EFCAB6: variants seen among roughly 807,000 people sequenced by gnomAD.
EFCAB6 encodes EF-hand calcium-binding domain-containing protein 6.
A neutral mutation model predicts 169.8 loss-of-function variants in EFCAB6; 156 were observed. The observed-to-expected ratio is 0.92, with a 90% confidence interval of 0.81 to 1.05. The LOEUF is 1.05. Ranked by LOEUF, EFCAB6 falls within the 50% of genes least tolerant of loss-of-function variation. The pLI is 0.00. For missense variants in EFCAB6, 1,800 were observed against 1,829.1 expected (o/e 0.98, Z 0.29); for synonymous variants, 698 against 676.4 (o/e 1.03, Z -0.50).
intron 4 of EFCAB6, among the ~76,000 whole-genome samples, chr22:43,769,767 T>C (rs930166778): frequency 1.3e-5 from 2 of 151,956 alleles, no homozygotes; most frequent in Non-Finnish European, 2.9e-5. Flanking sequence ...ATCATCATAG[T>C]GGGGTGTCAG....
chr22:43,632,591 C>T (rs1279258886), intron 18 of EFCAB6, among the ~76,000 whole-genome samples: 2 of 152,232 alleles, frequency 1.3e-5, no homozygotes, highest in African/African-American at 4.8e-5. Context: ...TGAGCCACCA[C>T]ACCCGGCCCA....
At chr22:43,576,217 T>A in intron 26 of EFCAB6, 80 bp downstream of exon 26, 5 of 1,261,092 alleles carry the variant, frequency 4.0e-6, no homozygotes, top group Non-Finnish European at 5.4e-6. Flanking sequence ...TCTGATATGG[T>A]TCTAATCAAT....
chr22:43,731,897 C>T, intron 7 of EFCAB6, 86 bp from the exon 8 acceptor site: 1 of 678,154 alleles, frequency 1.5e-6, no homozygotes, highest in Non-Finnish European at 2.2e-6. Flanking sequence ...TACACTCGGG[C>T]TGGCATTAAT....
In EFCAB6 at chr22:43,687,545, C is replaced by T. The variant is rs751100252; in HGVS notation, c.1068G>A (p.Lys356=). The change falls in exon 11 of 32, where the codon AAG becomes AAA. Residue 356 remains lysine (K), a synonymous_variant. Transcript: ENST00000262726. ...GLKATTKINW[K]QFLTSFHEPQ... is the part of the protein sequence containing the mutation. ...GCTCATGAAATGATGTTAGAAATTG[C>T]TTCCAATTGATTTTAGTGGTGGCTT... is the stretch of plus-strand genomic sequence containing the variant. 1.9e-6 allele frequency: 3 copies of T among 1,601,314 alleles called. No individual in the cohort carries two copies. The highest frequency in any genetic ancestry group is 2.3e-5 in the South Asian group (2 of 88,104).
chr22:43,769,723 CA>C (rs2061411900), intron 4 of EFCAB6, among the ~76,000 whole-genome samples: 1 of 152,014 alleles, frequency 6.6e-6, no homozygotes, highest in African/African-American at 2.4e-5. Flanking sequence ...GAGGAGCCAT[CA>C]AAGCCCAGAG....
chr22:43,688,108 T>C (rs2147153766), intron 10 of EFCAB6, among the ~76,000 whole-genome samples: 1 of 152,236 alleles, frequency 6.6e-6, no homozygotes, highest in South Asian at 2.1e-4. Context: ...GCTGCAGCCA[T>C]CAAAAGACAT....
At chr22:43,542,713 G>A (rs372161902) in intron 27 of EFCAB6, among the ~76,000 whole-genome samples, 7 of 151,940 alleles carry the variant, frequency 4.6e-5, no homozygotes, top group African/African-American at 7.2e-5. Flanking sequence ...CCCCCAGCCC[G>A]CATGTGGCCT....
In EFCAB6 at chr22:43,530,473, G is replaced by A. The variant is rs564561016; in HGVS notation, c.4383+342C>T. On this transcript the variant is annotated intron_variant, in intron 31 of 31. Coordinates refer to ENST00000262726, the MANE Select transcript of EFCAB6 (RefSeq NM_022785.4). Reference sequence around the variant, plus strand: ...TCAGAGATGCTCTTCAGAGCCTGCAGGAGAGCCCAGGTGTGGGGAGAGGGC... The same window carrying A: ...TCAGAGATGCTCTTCAGAGCCTGCAAGAGAGCCCAGGTGTGGGGAGAGGGC... 2.6e-5 allele frequency: 25 copies of A among 969,932 alleles called. No individual in the cohort carries two copies. In the African/African-American group the frequency reaches 3.7e-4, roughly 14 times the overall value. 60.1% of individuals were successfully genotyped at this position (969,932 alleles called of 1,614,324 possible). A position where few individuals can be genotyped will look rare whatever the true frequency, so the allele number is the denominator to read the frequency against.
At chr22:43,550,311 G>A (rs1015587917) in intron 27 of EFCAB6, among the ~76,000 whole-genome samples, 5 of 152,160 alleles carry the variant, frequency 3.3e-5, no homozygotes, top group Non-Finnish European at 5.9e-5. Flanking sequence ...CCTGCCTGAA[G>A]GGTTTTGTTT....
intron 8 of EFCAB6, among the ~76,000 whole-genome samples, chr22:43,717,793 A>G (rs1385496524): frequency 6.6e-6 from 1 of 152,160 alleles, no homozygotes; most frequent in Admixed American, 6.5e-5. Flanking sequence ...ATTCACATGG[A>G]TAAGGATATT....
At chr22:43,690,705 C>T (rs1024037171) in intron 10 of EFCAB6, among the ~76,000 whole-genome samples, 2 of 151,812 alleles carry the variant, frequency 1.3e-5, no homozygotes, top group African/African-American at 2.4e-5. Context: ...GCTCCAGCCA[C>T]ATTGGTCTCT....
At chr22:43,722,022 A>C (rs958836454) in intron 8 of EFCAB6, among the ~76,000 whole-genome samples, 1 of 152,172 alleles carries the variant, frequency 6.6e-6, no homozygotes, top group African/African-American at 2.4e-5. Context: ...AAAATCTGTA[A>C]GGAATTTAAA....
At chr22:43,759,901 CT>C (rs1364289451) in intron 5 of EFCAB6, 1 of 152,152 alleles carries the variant, frequency 6.6e-6, no homozygotes, top group Non-Finnish European at 1.5e-5. Flanking sequence ...TAAGTTTTGG[CT>C]GGTATAAAAT....
intron 21 of EFCAB6, among the ~76,000 whole-genome samples, chr22:43,613,247 T>C (rs2053452322): frequency 1.3e-5 from 2 of 149,720 alleles, no homozygotes; most frequent in South Asian, 4.2e-4. Flanking sequence ...ATATCATATA[T>C]TTATACAGCA....
intron 4 of EFCAB6, among the ~76,000 whole-genome samples, chr22:43,772,641 C>CAAA (rs11285899): frequency 1.7e-5 from 2 of 120,152 alleles, no homozygotes; most frequent in African/African-American, 6.3e-5. Context: ...AATTCTGTCT[C>CAAA]AAAAAAAAAA....
At chr22:43,736,917 G>A (rs569377488) in intron 6 of EFCAB6, among the ~76,000 whole-genome samples, 2 of 152,012 alleles carry the variant, frequency 1.3e-5, no homozygotes, top group East Asian at 1.9e-4. Context: ...ACTCCCTTGG[G>A]CGCCCAAAGC....
chr22:43,615,910 C>T lies in EFCAB6; in HGVS notation c.2478G>A (p.Lys826=), dbSNP rs2053653120. The change falls in exon 21 of 32, where the codon AAG becomes AAA. Residue 826 remains lysine (K), a synonymous_variant. Transcript: ENST00000262726. ...APQRLIRPKQ[K]VADSELACEQ... is the part of the protein sequence containing the mutation. The stretch of plus-strand genomic sequence containing the variant: ...CACAAGCTAGTTCTGAATCCGCAAC[C>T]TTCTGTTTTGGTCTTAAAAGAAAAA... 6.2e-7 allele frequency: 1 copy of T among 1,613,000 alleles called. No homozygotes were observed. Among genetic ancestry groups the T allele is most frequent in the Middle Eastern group, 1.7e-4 (1 of 5,938 alleles).
intron 4 of EFCAB6, among the ~76,000 whole-genome samples, chr22:43,770,035 T>G (rs1164662799): frequency 6.6e-6 from 1 of 152,086 alleles, no homozygotes; most frequent in Non-Finnish European, 1.5e-5. Flanking sequence ...TTTTGTATTT[T>G]TAGTAGAGAC....
chr22:43,620,695 C>G (rs984626071), intron 20 of EFCAB6, among the ~76,000 whole-genome samples: 8 of 152,124 alleles, frequency 5.3e-5, no homozygotes, highest in African/African-American at 1.9e-4. Context: ...AATTATAATA[C>G]ACAATTTTTT....
Sources: gnomAD v4.1 joint callset for allele counts (sites outside exome capture counted in the v4.1 genomes callset) on GRCh38, gnomAD v4.1.1 for gene constraint, MANE v1.5 for transcripts, NCBI Gene and HGNC (gene_info 2026-07-23, HGNC 2026-07-21) for gene names.